Variants in GRHL2 observed in about 807,000 individuals in gnomAD.
The protein encoded by GRHL2 is grainyhead like transcription factor 2, also known as grainyhead-like protein 2 homolog.
Under a neutral mutation model 83.8 loss-of-function variants are expected in GRHL2, and 21 were observed. The ratio of observed to expected loss-of-function variants is 0.25; its 90% CI spans 0.18 to 0.36. The LOEUF (loss-of-function observed/expected upper bound fraction) is 0.36. GRHL2 is among the 10% of genes least tolerant of loss of function. The probability of loss-of-function intolerance (pLI) is 1.00; values close to 1 mark genes in which losing one functional copy is unlikely to be tolerated. For synonymous variants in GRHL2, 280 were observed against 278.9 expected, an observed-to-expected ratio of 1.00 and a Z score of -0.04; for missense variants, 623 against 781.8, an observed-to-expected ratio of 0.80 and a Z score of 2.42.
chr8:101,633,211 C>CA (rs1427309703), intron 11 of GRHL2, among the ~76,000 whole-genome samples: 1 of 151,910 alleles, frequency 6.6e-6, no homozygotes, highest in East Asian at 1.9e-4. Flanking sequence ...ATGTGATAAA[C>CA]AAAAAATTGT....
At chr8:101,528,507 A>G (rs188588207) in intron 1 of GRHL2, among the ~76,000 whole-genome samples, 1 of 152,042 alleles carries the variant, frequency 6.6e-6, no homozygotes, top group Non-Finnish European at 1.5e-5. Context: ...CAATAAGTCA[A>G]ATTGCTGCTG....
intron 7 of GRHL2, among the ~76,000 whole-genome samples, chr8:101,581,567 C>A (rs1429867114): frequency 1.3e-5 from 2 of 152,150 alleles, no homozygotes; most frequent in African/African-American, 2.4e-5. Context: ...AGTGAGAAAG[C>A]CCCTTTAAAA....
At chr8:101,512,934 T>C (rs1183800434) in intron 1 of GRHL2, among the ~76,000 whole-genome samples, 2 of 152,238 alleles carry the variant, frequency 1.3e-5, no homozygotes, top group Non-Finnish European at 2.9e-5. Flanking sequence ...GAAGTCCTTC[T>C]TCTTAGCTGG....
chr8:101,678,009 G>T, the GRHL2 span, among the ~76,000 whole-genome samples: 6 of 152,030 alleles, frequency 3.9e-5, no homozygotes, highest in Admixed American at 1.3e-4. Context: ...TGTTTCTTCG[G>T]CCACCTCAAA....
At chr8:101,662,172 G>A (rs1813935392) in intron 14 of GRHL2, among the ~76,000 whole-genome samples, 2 of 152,184 alleles carry the variant, frequency 1.3e-5, no homozygotes. Flanking sequence ...TGTTCTGTTC[G>A]AATTGATGCC....
the GRHL2 span, among the ~76,000 whole-genome samples, chr8:101,676,090 C>T: frequency 5.3e-5 from 8 of 151,364 alleles, no homozygotes; most frequent in Non-Finnish European, 1.0e-4. Context: ...AACGTTAGAC[C>T]TAAAACCATA....
chr8:101,580,924 C>T (rs1181258079), intron 7 of GRHL2, among the ~76,000 whole-genome samples: 6 of 151,994 alleles, frequency 3.9e-5, no homozygotes, highest in Non-Finnish European at 8.8e-5. Context: ...AGGATGGTCT[C>T]GATCTCCTGA....
In GRHL2 at chr8:101,558,251, T is replaced by G. The variant is rs6981104; in HGVS notation, c.285-168T>G. Among the ~76,000 whole-genome samples the G allele has an allele frequency of 0.046, 6,992 of 152,258 alleles. 515 individuals are homozygous for G. Among genetic ancestry groups the G allele is most frequent in the African/African-American group, 0.16 (6,565 of 41,516 alleles). ...CGCATGGCTCACTCGTGGTCCTACT[T>G]CTAGTGACGCAAGGATCCCATTGCG... On this transcript the variant is annotated intron_variant, in intron 3 of 15. Coordinates refer to ENST00000646743, the MANE Select transcript of GRHL2 (RefSeq NM_024915.4).
chr8:101,509,132 TCC>T lies in GRHL2; in HGVS notation c.20+16344_20+16345del, dbSNP rs1810402008. Reference sequence around the variant, plus strand: ...CTCCTTCCTTCCTTCCTTCCTTCCTTCCTTCCTTCCTTCCTTCCTTCCTTCCT... The same window carrying T: ...CTCCTTCCTTCCTTCCTTCCTTCCTTTTCCTTCCTTCCTTCCTTCCTTCCT... On this transcript the variant is annotated intron_variant, in intron 1 of 15. Coordinates refer to ENST00000646743, the MANE Select transcript of GRHL2 (RefSeq NM_024915.4). Among the ~76,000 whole-genome samples the T allele has an allele frequency of 4.4e-5, 3 of 67,984 alleles. 1 individual carries two copies. Among genetic ancestry groups the T allele is most frequent in the Admixed American group, 2.5e-4 (2 of 8,000 alleles). 44.6% of individuals were successfully genotyped at this position (67,984 alleles called of 152,430 possible). A position where few individuals can be genotyped will look rare whatever the true frequency, so the allele number is the denominator to read the frequency against.
chr8:101,520,915 T>C (rs963364307), intron 1 of GRHL2, among the ~76,000 whole-genome samples: 11 of 152,144 alleles, frequency 7.2e-5, no homozygotes, highest in African/African-American at 2.2e-4. Flanking sequence ...TCCTCCTCCT[T>C]CTGCAAGTCT....
At chr8:101,572,808 T>C (rs1176838016) in intron 5 of GRHL2, among the ~76,000 whole-genome samples, 1 of 152,140 alleles carries the variant, frequency 6.6e-6, no homozygotes, top group African/African-American at 2.4e-5. Flanking sequence ...AATTATATCA[T>C]GTTTTTTAAA....
rs188265528 is a variant in GRHL2 at position 101,666,731 on chromosome 8, G to A, written c.*28G>A. 65 of 1,396,782 alleles carry A rather than the reference G, an allele frequency of 4.7e-5. No homozygotes were observed. The Admixed American group carries it at 1.1e-3, about 23-fold the overall frequency. 86.5% of individuals were successfully genotyped at this position (1,396,782 alleles called of 1,614,324 possible). A position where few individuals can be genotyped will look rare whatever the true frequency, so the allele number is the denominator to read the frequency against. ...CTGGGTTTGGCATCCGCTTTGGCTG[G>A]AGCTCTCAGTGCGTTCCTCCCTGAG... is the stretch of plus-strand genomic sequence containing the variant. On this transcript the variant is annotated 3_prime_UTR_variant, in exon 16 of 16. Transcript: ENST00000646743.
At chr8:101,531,893 C>T (rs1046629700) in intron 1 of GRHL2, among the ~76,000 whole-genome samples, 5 of 152,058 alleles carry the variant, frequency 3.3e-5, no homozygotes, top group African/African-American at 9.7e-5. Flanking sequence ...TAAAACGAAA[C>T]CATCTTAATT....
rs750607556 is a variant in GRHL2 at position 101,631,664 on chromosome 8, G to A, written c.1285G>A (p.Glu429Lys). 1.2e-5 allele frequency: 19 copies of A among 1,613,552 alleles called. No homozygotes were observed. Among genetic ancestry groups the A allele is most frequent in the Non-Finnish European group, 1.4e-5 (17 of 1,179,758 alleles). ...AGCAGAAAGAAAAATCCGAGATGAAGAGCGGAAGCAGAACAGGAAGAAAGG... is the reference window on the plus strand; with the variant it reads ...AGCAGAAAGAAAAATCCGAGATGAAAAGCGGAAGCAGAACAGGAAGAAAGG... ...KGAERKIRDEERKQNRKKGKG... is the reference protein window; with the variant it reads ...KGAERKIRDEKRKQNRKKGKG... Residue 429 changes from glutamate (E) to lysine (K), a missense_variant, in exon 10 of 16, where the codon GAG becomes AAG. This residue lies in a region of GRHL2 where 210 missense variants were observed against 254.8 expected (regional missense o/e 0.82). Coordinates refer to ENST00000646743, the MANE Select transcript of GRHL2 (RefSeq NM_024915.4).
intron 14 of GRHL2, among the ~76,000 whole-genome samples, chr8:101,658,623 G>A (rs541661447): frequency 6.6e-6 from 1 of 152,220 alleles, no homozygotes; most frequent in East Asian, 1.9e-4. Flanking sequence ...TGTGAGCCGA[G>A]GTGTTCCCTT....
the GRHL2 span, among the ~76,000 whole-genome samples, chr8:101,676,211 G>T: frequency 6.6e-6 from 1 of 151,972 alleles, no homozygotes; most frequent in Non-Finnish European, 1.5e-5. Flanking sequence ...TTGACAAATG[G>T]GATCTAATGA....
At chr8:101,499,641 C>A (rs949026353) in intron 1 of GRHL2, among the ~76,000 whole-genome samples, 1 of 152,134 alleles carries the variant, frequency 6.6e-6, no homozygotes, top group Non-Finnish European at 1.5e-5. Flanking sequence ...CTAGGTTTAA[C>A]CTTGGAAAAA....
intron 8 of GRHL2, among the ~76,000 whole-genome samples, chr8:101,614,008 A>G (rs1219094606): frequency 1.3e-5 from 2 of 151,066 alleles, no homozygotes; most frequent in Admixed American, 6.6e-5. Flanking sequence ...TTGCTTTCTG[A>G]ATCAAAGGTA....
intron 1 of GRHL2, among the ~76,000 whole-genome samples, chr8:101,503,805 T>C (rs1810280072): frequency 6.6e-6 from 1 of 152,208 alleles, no homozygotes; most frequent in Non-Finnish European, 1.5e-5. Flanking sequence ...TGATGTATTA[T>C]ATCAGAATGT....
Sources: gnomAD v4.1 joint callset for allele counts (sites outside exome capture counted in the v4.1 genomes callset) on GRCh38, gnomAD v4.1.1 for gene constraint, gnomAD v4.1.1 regional missense constraint, MANE v1.5 for transcripts, NCBI Gene and HGNC (gene_info 2026-07-23, HGNC 2026-07-21) for gene names.